ATP8B4: variants seen among roughly 807,000 people sequenced by gnomAD.
The protein encoded by ATP8B4 is probable phospholipid-transporting ATPase IM.
Under a neutral mutation model 145.6 loss-of-function variants are expected in ATP8B4, and 133 were observed. The ratio of observed to expected loss-of-function variants is 0.91; its 90% confidence interval spans 0.79 to 1.05. ATP8B4 has a LOEUF of 1.05. Ranked by LOEUF, ATP8B4 falls within the 50% of genes least tolerant of loss-of-function variation. ATP8B4 has a pLI of 0.00. For synonymous variants in ATP8B4, 507 were observed against 492.9 expected (o/e 1.03, Z -0.38); for missense variants, 1,458 against 1,425.2 (o/e 1.02, Z -0.37).
At chr15:50,164,106 T>C (rs2044561848) in intron 1 of ATP8B4, among the ~76,000 whole-genome samples, 1 of 152,168 alleles carries the variant, frequency 6.6e-6, no homozygotes, top group South Asian at 2.1e-4. Flanking sequence ...CCCAGGAGCC[T>C]GCTTGGCGCT....
chr15:49,876,256 G>A, intron 25 of ATP8B4, 22 bp downstream of exon 25: 8 of 1,609,842 alleles, frequency 5.0e-6, no homozygotes, highest in Non-Finnish European at 6.8e-6. Flanking sequence ...TCAAGTTAAG[G>A]TGCTTACACC....
At chr15:50,032,122 C>G (rs1020663058) in intron 6 of ATP8B4, among the ~76,000 whole-genome samples, 1 of 151,996 alleles carries the variant, frequency 6.6e-6, no homozygotes, top group Non-Finnish European at 1.5e-5. Context: ...ACCTATCAAC[C>G]CGTCATCTAG....
In ATP8B4 at chr15:50,081,248, A is replaced by T. The variant is rs1419636514; in HGVS notation, c.29-7063T>A. On this transcript the variant is annotated intron_variant, in intron 2 of 27. Coordinates refer to ENST00000284509, the MANE Select transcript of ATP8B4 (RefSeq NM_024837.4). ...TACCTCTCCTTACTTATGGTTTCTC[A>T]GTAAAATAATGCCACTGTGTGTTAT... is the stretch of plus-strand genomic sequence containing the variant. Among the ~76,000 whole-genome samples the T allele has an allele frequency of 3.9e-5, 6 of 152,316 alleles. No individual in the cohort carries two copies. In the East Asian group the frequency reaches 9.6e-4, roughly 24 times the overall value.
chr15:49,916,992 T>TGTC lies in ATP8B4; in HGVS notation c.2080_2082dup (p.Asp694dup). On this transcript the variant is annotated inframe_insertion, in exon 20 of 28. Coordinates refer to ENST00000284509, the MANE Select transcript of ATP8B4 (RefSeq NM_024837.4). ...CCTGCTATCACAAACACATCATTCA[T>TGTC]GTCGTCAGTCAGCATGTTGCAGGCA... is the stretch of plus-strand genomic sequence containing the variant. 2 of 1,614,016 alleles carry TGTC rather than the reference T, an allele frequency of 1.2e-6. No homozygotes were observed. Among genetic ancestry groups the TGTC allele is most frequent in the Non-Finnish European group, 1.7e-6 (2 of 1,179,906 alleles).
chr15:49,957,564 A>G (rs1255214002), intron 14 of ATP8B4, among the ~76,000 whole-genome samples: 1 of 152,122 alleles, frequency 6.6e-6, no homozygotes, highest in Non-Finnish European at 1.5e-5. Flanking sequence ...TACCTAAATC[A>G]AAGTAATTCA....
chr15:50,084,322 T>C (rs1378051027), intron 2 of ATP8B4, among the ~76,000 whole-genome samples: 3 of 152,070 alleles, frequency 2.0e-5, no homozygotes, highest in Non-Finnish European at 4.4e-5. Context: ...TCATGACACA[T>C]TCAGGTAATA....
At chr15:49,868,763 G>A (rs1598796995) in intron 25 of ATP8B4, among the ~76,000 whole-genome samples, 1 of 152,108 alleles carries the variant, frequency 6.6e-6, no homozygotes, top group African/African-American at 2.4e-5. Context: ...GAACAAGATA[G>A]TGAAACATTT....
At chr15:49,952,235 G>A (rs1567063739) in intron 14 of ATP8B4, among the ~76,000 whole-genome samples, 1 of 152,064 alleles carries the variant, frequency 6.6e-6, no homozygotes, top group Non-Finnish European at 1.5e-5. Context: ...TTTTCATGTT[G>A]GACTGTCTTG....
chr15:50,117,765 G>C (rs1456727359), intron 1 of ATP8B4, among the ~76,000 whole-genome samples: 2 of 152,246 alleles, frequency 1.3e-5, no homozygotes, highest in South Asian at 2.1e-4. Flanking sequence ...ATTTCTTCTT[G>C]AGGAATAAAA....
chr15:50,177,053 G>A (rs907401472), intron 1 of ATP8B4, among the ~76,000 whole-genome samples: 5 of 152,110 alleles, frequency 3.3e-5, no homozygotes, highest in Non-Finnish European at 5.9e-5. Flanking sequence ...AGGATGACAG[G>A]CACCCACATT....
intron 6 of ATP8B4, among the ~76,000 whole-genome samples, chr15:50,020,171 T>C (rs2049427857): frequency 6.6e-6 from 1 of 151,502 alleles, no homozygotes; most frequent in Admixed American, 6.6e-5. Context: ...CCCAGGTTGG[T>C]CTCAAATTTC....
At chr15:50,072,095 G>A (rs1243496706) in intron 3 of ATP8B4, among the ~76,000 whole-genome samples, 6 of 151,646 alleles carry the variant, frequency 4.0e-5, no homozygotes, top group African/African-American at 1.5e-4. Context: ...ATAGCCCAAT[G>A]CATTCATCTC....
rs2031044914 is a variant in ATP8B4, at chr15:49,858,326, A to ACC, written c.*1867_*1868insGG. The ACC allele has an allele frequency of 6.6e-6, 1 of 152,260 alleles. No homozygotes were observed. Among genetic ancestry groups the ACC allele is most frequent in the Non-Finnish European group, 1.5e-5 (1 of 68,040 alleles). The allele number at this position is 152,260 out of a possible 1,614,324, so 9.4% of individuals were successfully genotyped here. On this transcript the variant is annotated 3_prime_UTR_variant, in exon 28 of 28. Transcript: ENST00000284509. ...AGCAAATGTGGTGAAACTAATGACA[A>ACC]ATTAGACATTGAAAACCAACATCTG...
intron 8 of ATP8B4, among the ~76,000 whole-genome samples, chr15:50,000,498 T>C (rs2153559648): frequency 6.6e-6 from 1 of 152,314 alleles, no homozygotes; most frequent in East Asian, 1.9e-4. Flanking sequence ...ACGTCCTCTT[T>C]GGTGAAATGT....
intron 22 of ATP8B4, 33 bp downstream of exon 22, chr15:49,898,035 G>T: frequency 6.2e-7 from 1 of 1,609,076 alleles, no homozygotes. Flanking sequence ...CCCCATGTAT[G>T]CAGCATACCC....
At chr15:49,863,459 G>A (rs1299491608) in intron 26 of ATP8B4, among the ~76,000 whole-genome samples, 2 of 152,136 alleles carry the variant, frequency 1.3e-5, no homozygotes, top group Non-Finnish European at 2.9e-5. Context: ...TGCCAACCCT[G>A]CTTATATCAC....
At chr15:49,886,092 G>A (rs1376828644) in intron 23 of ATP8B4, among the ~76,000 whole-genome samples, 1 of 152,106 alleles carries the variant, frequency 6.6e-6, no homozygotes, top group Non-Finnish European at 1.5e-5. Flanking sequence ...TTATTTATAT[G>A]CTGGTTCCTA....
chr15:49,861,961 T>C (rs2031897626), intron 27 of ATP8B4, among the ~76,000 whole-genome samples: 1 of 152,220 alleles, frequency 6.6e-6, no homozygotes, highest in African/African-American at 2.4e-5. Context: ...AAATGATGCC[T>C]GTGATCTTCT....
intron 1 of ATP8B4, among the ~76,000 whole-genome samples, chr15:50,175,751 G>T (rs776954022): frequency 1.6e-4 from 25 of 152,168 alleles, no homozygotes; most frequent in Non-Finnish European, 3.1e-4. Context: ...CTGCTAGTGG[G>T]AATGTAAACT....
Sources: gnomAD v4.1 joint callset for allele counts (sites outside exome capture counted in the v4.1 genomes callset) on GRCh38, gnomAD v4.1.1 for gene constraint, MANE v1.5 for transcripts, NCBI Gene and HGNC (gene_info 2026-07-23, HGNC 2026-07-21) for gene names.